CDH4: variants seen among roughly 807,000 people sequenced by gnomAD.
CDH4 encodes the protein cadherin-4.
In CDH4, 33 loss-of-function variants were observed where a neutral mutation model predicts 86.0. The ratio of observed to expected loss-of-function variants is 0.38; its 90% CI spans 0.29 to 0.51. The LOEUF is 0.51. Among genes scored for constraint, CDH4 ranks in the 20% least tolerant of loss-of-function variants. CDH4 has a pLI of 0.86. For missense variants in CDH4, 1,114 were observed against 1,307.4 expected, an observed-to-expected ratio of 0.85 and a Z score of 2.28; for synonymous variants, 555 against 549.4, an observed-to-expected ratio of 1.01 and a Z score of -0.14.
intron 2 of CDH4, among the ~76,000 whole-genome samples, chr20:61,376,011 G>GGT (rs201473245): frequency 3.3e-5 from 5 of 150,420 alleles, no homozygotes; most frequent in African/African-American, 1.2e-4. Context: ...TCTTGGTGGT[G>GGT]GTGATACTGT....
At chr20:61,780,437 T>C (rs890625119) in intron 4 of CDH4, among the ~76,000 whole-genome samples, 2 of 152,200 alleles carry the variant, frequency 1.3e-5, no homozygotes, top group East Asian at 3.9e-4. Context: ...TCGGTAATTA[T>C]TGTCTGCACC....
intron 2 of CDH4, among the ~76,000 whole-genome samples, chr20:61,416,166 T>C (rs967444884): frequency 6.6e-6 from 1 of 152,102 alleles, no homozygotes; most frequent in Non-Finnish European, 1.5e-5. Context: ...CACACCTGGC[T>C]AATTTTTGTA....
rs1481109664 is a variant in CDH4 at position 61,315,638 on chromosome 20, G to A, written c.169+60701G>A. On this transcript the variant is annotated intron_variant, in intron 2 of 15. Transcript: ENST00000614565. ...CGTCATGAGGCTCCCTCTCTGTCTC[G>A]TGACAAATTGACAAATAAAAGTTGT... Among the ~76,000 whole-genome samples, 4 of 152,196 alleles carry A rather than the reference G, an allele frequency of 2.6e-5. No individual in the cohort carries two copies. The East Asian group carries it at 5.8e-4, about 22-fold the overall frequency.
rs1216207052 is a variant in CDH4 at position 61,653,712 on chromosome 20, G to C, written c.170-89851G>C. On this transcript the variant is annotated intron_variant, in intron 2 of 15. Transcript: ENST00000614565. Reference sequence around the variant, plus strand: ...CGCTCCTCACCTCCCAGACGGGGTCGCAGCCGGGCAGAGGCGCTCCTCACA... The same window carrying C: ...CGCTCCTCACCTCCCAGACGGGGTCCCAGCCGGGCAGAGGCGCTCCTCACA... Among the ~76,000 whole-genome samples the C allele has an allele frequency of 2.5e-4, 28 of 113,946 alleles. 1 individual carries two copies. The East Asian group carries it at 6.2e-3, about 25-fold the overall frequency. 74.8% of individuals were successfully genotyped at this position (113,946 alleles called of 152,430 possible).
Position 61,810,934 on chromosome 20 carries a change from C to A in CDH4, c.577-33734C>A, listed in dbSNP as rs910089874. ...TCGAGACGGGGGCTGCAGGAGCCTGCAGAGCCTGCGTTATCCTGCACTGCA... is the reference window on the plus strand; with the variant it reads ...TCGAGACGGGGGCTGCAGGAGCCTGAAGAGCCTGCGTTATCCTGCACTGCA... On this transcript the variant is annotated intron_variant, in intron 4 of 15. Coordinates refer to ENST00000614565, the MANE Select transcript of CDH4 (RefSeq NM_001794.5). The surrounding 1 kb of genome is among the most constrained non-coding windows in gnomAD (Gnocchi z 4.3). Among the ~76,000 whole-genome samples the A allele has an allele frequency of 2.6e-5, 4 of 152,220 alleles. No individual in the cohort carries two copies. Among genetic ancestry groups the A allele is most frequent in the African/African-American group, 9.6e-5 (4 of 41,464 alleles).
At chr20:61,396,254 C>A (rs559261480) in intron 2 of CDH4, among the ~76,000 whole-genome samples, 3 of 152,126 alleles carry the variant, frequency 2.0e-5, no homozygotes, top group Non-Finnish European at 4.4e-5. Context: ...GGGCCACATC[C>A]TGGTACCATC....
intron 2 of CDH4, among the ~76,000 whole-genome samples, chr20:61,443,609 T>C (rs1235088839): frequency 1.3e-5 from 2 of 152,234 alleles, no homozygotes; most frequent in Admixed American, 6.5e-5. Context: ...TTAGCTGCCA[T>C]TATTTTCGCA....
At chr20:61,319,830 T>G (rs1375676371) in intron 2 of CDH4, among the ~76,000 whole-genome samples, 2 of 151,690 alleles carry the variant, frequency 1.3e-5, no homozygotes, top group Non-Finnish European at 2.9e-5. Context: ...GTCAGGCACC[T>G]GTAGTCCTTA....
At chr20:61,576,257 C>G (rs1416820394) in intron 2 of CDH4, among the ~76,000 whole-genome samples, 1 of 152,196 alleles carries the variant, frequency 6.6e-6, no homozygotes, top group Non-Finnish European at 1.5e-5. Flanking sequence ...GTGTCAGATT[C>G]ATCCTTGCTG....
chr20:61,366,106 A>C (rs1488113427), intron 2 of CDH4, among the ~76,000 whole-genome samples: 1 of 152,212 alleles, frequency 6.6e-6, no homozygotes, highest in Admixed American at 6.5e-5. Context: ...GAAGGAGGGT[A>C]AGTGTCCTGT....
At chr20:61,495,033 C>A (rs2085650481) in intron 2 of CDH4, among the ~76,000 whole-genome samples, 2 of 152,220 alleles carry the variant, frequency 1.3e-5, no homozygotes, top group Admixed American at 1.3e-4. Context: ...GTAACAGGGG[C>A]TGAGTTCAAG....
At chr20:61,797,217 A>T (rs1568821287) in intron 4 of CDH4, among the ~76,000 whole-genome samples, 1 of 152,060 alleles carries the variant, frequency 6.6e-6, no homozygotes, top group African/African-American at 2.4e-5. Context: ...GGAAGGGTTC[A>T]CACCATCCAT....
chr20:61,928,557 G>A, intron 12 of CDH4, 134 bp downstream of exon 12: 1 of 729,278 alleles, frequency 1.4e-6, no homozygotes, highest in Admixed American at 2.5e-5. Context: ...CACCAAGGCT[G>A]GGGACACTGG....
At chr20:61,924,032 C>T (rs183609839) in intron 10 of CDH4, among the ~76,000 whole-genome samples, 7 of 152,292 alleles carry the variant, frequency 4.6e-5, no homozygotes, top group Admixed American at 1.3e-4. Context: ...CGTCCTTGTC[C>T]GTTCGATGGG....
chr20:61,571,873 T>C (rs6061283), intron 2 of CDH4, among the ~76,000 whole-genome samples: 12,438 of 149,272 alleles, frequency 0.083, 1,120 homozygotes, highest in African/African-American at 0.22. Context: ...CCGAATCACA[T>C]GTGGTGTCCC....
At chr20:61,476,081 C>A (rs1395385646) in intron 2 of CDH4, among the ~76,000 whole-genome samples, 1 of 152,194 alleles carries the variant, frequency 6.6e-6, no homozygotes, top group Admixed American at 6.5e-5. Flanking sequence ...ACATAAGCCA[C>A]GAGCTTAATG....
chr20:61,776,940 G>A lies in CDH4; in HGVS notation c.576+3758G>A, dbSNP rs188937561. 5.6e-4 allele frequency among the ~76,000 whole-genome samples: 85 copies of A among 152,278 alleles called. 1 individual carries two copies. Among genetic ancestry groups the A allele is most frequent in the Admixed American group, 2.0e-3 (30 of 15,300 alleles). ...GGTTGGTGAACAGCTGGTCTCTGTC[G>A]AAGCAGGTTTCTAAAGATGAGATCA... On this transcript the variant is annotated intron_variant, in intron 4 of 15. Coordinates refer to ENST00000614565, the MANE Select transcript of CDH4 (RefSeq NM_001794.5).
chr20:61,587,886 G>GC (rs1038104528), intron 2 of CDH4, among the ~76,000 whole-genome samples: 1 of 151,884 alleles, frequency 6.6e-6, no homozygotes, highest in African/African-American at 2.4e-5. Flanking sequence ...CCCCCACTCC[G>GC]CCCCCGCCCA....
At chr20:61,744,694 C>T (rs942874245) in intron 3 of CDH4, among the ~76,000 whole-genome samples, 1 of 152,190 alleles carries the variant, frequency 6.6e-6, no homozygotes, top group Non-Finnish European at 1.5e-5. Context: ...CTGCCTGGCT[C>T]ACCCGGGTGA....
Sources: allele counts gnomAD v4.1 joint callset (sites outside exome capture counted in the v4.1 genomes callset), GRCh38; gene constraint gnomAD v4.1.1; non-coding constraint Gnocchi (gnomAD v3.1); transcripts MANE v1.5; gene names NCBI Gene and HGNC (gene_info 2026-07-23, HGNC 2026-07-21).